RGS3: variants seen among roughly 807,000 people sequenced by gnomAD.
RGS3 encodes regulator of G protein signaling 3, also known as regulator of G-protein signalling 3.
RGS3 carries 80 observed loss-of-function variants against 132.6 expected under a neutral mutation model. The observed-to-expected ratio is 0.60, with a 90% CI of 0.50 to 0.73. The LOEUF (loss-of-function observed/expected upper bound fraction) is 0.73, where lower values mean the gene tolerates loss of function less well. Ranked by LOEUF, RGS3 falls within the 30% of genes least tolerant of loss-of-function variation. The probability of loss-of-function intolerance (pLI) is 0.00; values close to 1 mark genes in which losing one functional copy is unlikely to be tolerated. For missense variants in RGS3, 1,382 were observed against 1,530.8 expected (o/e 0.90, Z 1.62); for synonymous variants, 598 against 620.6 (o/e 0.96, Z 0.54).
intron 19 of RGS3, among the ~76,000 whole-genome samples, chr9:113,562,313 TAA>T: frequency 6.6e-6 from 1 of 151,728 alleles, no homozygotes; most frequent in Non-Finnish European, 1.5e-5. Flanking sequence ...CCACCTCTAC[TAA>T]AAATGCAAAA....
At chr9:113,497,527 G>C in intron 9 of RGS3, 123 bp downstream of exon 7, 2 of 777,300 alleles carry the variant, frequency 2.6e-6, no homozygotes, top group Non-Finnish European at 4.1e-6. Flanking sequence ...AGCCTGCTGG[G>C]TGCAGGGACT....
At chr9:113,473,285 G>A (rs964614492) in intron 3 of RGS3, among the ~76,000 whole-genome samples, 7 of 152,242 alleles carry the variant, frequency 4.6e-5, no homozygotes, top group African/African-American at 1.2e-4. Context: ...TTAAACCCAT[G>A]ATAGGTATAG....
intron 10 of RGS3, 38 bp from the exon 9 acceptor site, chr9:113,505,404 C>T: frequency 6.3e-7 from 1 of 1,598,194 alleles, no homozygotes; most frequent in South Asian, 1.1e-5. Flanking sequence ...GCAAGAGCCT[C>T]CAGCTTCTGG....
intron 19 of RGS3, among the ~76,000 whole-genome samples, chr9:113,547,560 A>G (rs544267142): frequency 1.3e-5 from 2 of 152,358 alleles, no homozygotes; most frequent in East Asian, 3.9e-4. Flanking sequence ...GGTTGGTGCA[A>G]AAGTAACTGT....
At chr9:113,468,988 AAGATGTGGTTCTGG>A (rs1457277392) in intron 3 of RGS3, among the ~76,000 whole-genome samples, 1 of 151,264 alleles carries the variant, frequency 6.6e-6, no homozygotes, top group Non-Finnish European at 1.5e-5. Context: ...GGAAGTTGGG[AAGATGTGGTTCTGG>A]AGGCAGAGTA....
rs183978533 is a variant in RGS3, at chr9:113,546,053, A to G, written c.2037+9135A>G. Among the ~76,000 whole-genome samples, 67 of 152,292 alleles carry G rather than the reference A, an allele frequency of 4.4e-4. No individual in the cohort carries two copies. The East Asian group carries it at 8.1e-3, about 18-fold the overall frequency. ...ACTGTCACACTCCTGCTTAAAGACC[A>G]TTGTGGGAGGCCACTGTCTTCAGAG... On this transcript the variant is annotated intron_variant, in intron 19 of 24. Transcript: ENST00000350696.
chr9:113,461,985 C>G lies in RGS3; in HGVS notation c.235-36C>G, dbSNP rs921919536. The G allele has an allele frequency of 1.9e-6, 3 of 1,606,022 alleles. No individual in the cohort carries two copies. The African/African-American group carries it at 4.0e-5, about 21-fold the overall frequency. On this transcript the variant is annotated intron_variant, in intron 2 of 24. Coordinates refer to ENST00000350696, the Ensembl canonical transcript of RGS3. ...ACACCTTGCATGGAGCATCTTCAGG[C>G]CATGGCTAACTCATGCTCCCATCTT...
chr9:113,477,492 AG>A (rs997565939), intron 3 of RGS3, among the ~76,000 whole-genome samples: 2 of 152,200 alleles, frequency 1.3e-5, no homozygotes, highest in Admixed American at 6.5e-5. Flanking sequence ...GGAGACATGA[AG>A]GGTTCTCCAA....
chr9:113,569,743 G>A (rs1027326021), intron 19 of RGS3, among the ~76,000 whole-genome samples: 8 of 152,036 alleles, frequency 5.3e-5, no homozygotes, highest in African/African-American at 1.7e-4. Context: ...CTAGTGCCAG[G>A]ATGTTCAGGT....
rs1017552595 is a variant in RGS3, at chr9:113,506,838, A to G, written c.1085+345A>G. Among the ~76,000 whole-genome samples, 1 of 152,160 alleles carries G rather than the reference A, an allele frequency of 6.6e-6. No homozygotes were observed. The highest frequency in any genetic ancestry group is 1.5e-5 in the Non-Finnish European group (1 of 68,024). ...GGCATGAAGATGTTGCAAATGTTTC[A>G]ATTGCACAATTAAAAAAATATTCTT... On this transcript the variant is annotated intron_variant, in intron 12 of 24. Transcript: ENST00000350696. The surrounding 1 kb of genome is among the most constrained non-coding windows in gnomAD (Gnocchi z 4.7).
chr9:113,484,398 A>C (rs1217291383), intron 6 of RGS3, among the ~76,000 whole-genome samples, 166 bp downstream of exon 4: 1 of 150,482 alleles, frequency 6.6e-6, no homozygotes, highest in Non-Finnish European at 1.5e-5. Context: ...TTGTTTTCTC[A>C]CTCACTTGTG....
At chr9:113,481,397 GC>G (rs1183254801) in intron 4 of RGS3, among the ~76,000 whole-genome samples, 1 of 152,160 alleles carries the variant, frequency 6.6e-6, no homozygotes, top group East Asian at 1.9e-4. Flanking sequence ...CAAGAACCAC[GC>G]CCTCGAGGGA....
intron 19 of RGS3, among the ~76,000 whole-genome samples, chr9:113,576,952 CT>C (rs1427828215): frequency 6.6e-6 from 1 of 152,126 alleles, no homozygotes; most frequent in East Asian, 1.9e-4. Flanking sequence ...TAGAAACATT[CT>C]TTTTAAAAAA....
intron 22 of RGS3, 53 bp downstream of exon 20, chr9:113,594,584 G>C: frequency 6.9e-7 from 1 of 1,445,822 alleles, no homozygotes; most frequent in Non-Finnish European, 9.7e-7. Context: ...TGGCTCCCCG[G>C]GGAGTAGGAC....
chr9:113,533,768 C>T (rs1712731150), intron 18 of RGS3, among the ~76,000 whole-genome samples: 1 of 152,200 alleles, frequency 6.6e-6, no homozygotes, highest in South Asian at 2.1e-4. Flanking sequence ...TCACCCCCCA[C>T]CTTTACATGG....
chr9:113,473,744 A>C (rs1829907350), intron 3 of RGS3, among the ~76,000 whole-genome samples: 1 of 152,224 alleles, frequency 6.6e-6, no homozygotes, highest in East Asian at 1.9e-4. Flanking sequence ...GGATAAAAGT[A>C]GTAACCATTT....
At chr9:113,575,462 G>A (rs921272660) in intron 19 of RGS3, among the ~76,000 whole-genome samples, 1 of 152,152 alleles carries the variant, frequency 6.6e-6, no homozygotes, top group Non-Finnish European at 1.5e-5. Context: ...CTGCAGTGGG[G>A]CCTCTGTTTA....
chr9:113,564,877 G>A, intron 19 of RGS3: 1 of 973,236 alleles, frequency 1.0e-6, no homozygotes, highest in South Asian at 4.6e-5. Context: ...TTCAGTTGCA[G>A]CCTCCCACTG....
intron 3 of RGS3, among the ~76,000 whole-genome samples, chr9:113,473,542 C>G (rs1455111955): frequency 6.6e-6 from 1 of 152,122 alleles, no homozygotes; most frequent in African/African-American, 2.4e-5. Flanking sequence ...ACCACCACGT[C>G]CGGCTAATTT....
Sources: allele counts gnomAD v4.1 joint callset (sites outside exome capture counted in the v4.1 genomes callset), GRCh38; gene constraint gnomAD v4.1.1; non-coding constraint Gnocchi (gnomAD v3.1); transcripts MANE v1.5; gene names NCBI Gene and HGNC (gene_info 2026-07-23, HGNC 2026-07-21).